The following RGS6 variants were observed in gnomAD, a reference collection of about 807,000 sequenced individuals.
RGS6 encodes the protein regulator of G-protein signaling 6.
Under a neutral mutation model 78.5 loss-of-function variants are expected in RGS6, and 30 were observed. The observed-to-expected ratio is 0.38, with a 90% CI of 0.29 to 0.52. RGS6 has a LOEUF of 0.52. Ranked by LOEUF, RGS6 falls within the 20% of genes least tolerant of loss-of-function variation. RGS6 has a pLI of 0.85. For synonymous variants in RGS6, 206 were observed against 206.0 expected, an observed-to-expected ratio of 1.00 and a Z score of 0.00; for missense variants, 495 against 609.7, an observed-to-expected ratio of 0.81 and a Z score of 1.98.
At position 71,946,554 on chromosome 14, in the gene RGS6, A is replaced by C. The variant is rs532160498; in HGVS notation, c.-21+13613A>C. ...CTTAAAATTCTGAAGAAGGAAAACA[A>C]ATGGAGAGACGGAATGTGGTAAGCA... On this transcript the variant is annotated intron_variant, in intron 1 of 17. Coordinates refer to ENST00000553525, the MANE Select transcript of RGS6 (RefSeq NM_001204424.2). Among the ~76,000 whole-genome samples the C allele has an allele frequency of 3.3e-5, 5 of 152,264 alleles. No homozygotes were observed. In the South Asian group the frequency reaches 1.0e-3, roughly 32 times the overall value.
At chr14:72,179,795 T>C (rs2097151433) in intron 2 of RGS6, among the ~76,000 whole-genome samples, 1 of 152,080 alleles carries the variant, frequency 6.6e-6, no homozygotes, top group Admixed American at 6.6e-5. Context: ...TGGGAACTTG[T>C]TACAAATGCA....
chr14:72,520,202 T>A (rs568464812), intron 15 of RGS6, among the ~76,000 whole-genome samples: 3 of 152,228 alleles, frequency 2.0e-5, no homozygotes, highest in African/African-American at 7.2e-5. Flanking sequence ...ATATCCTTTA[T>A]CTCCCTCCCT....
At chr14:72,515,114 A>G (rs2096924463) in intron 14 of RGS6, among the ~76,000 whole-genome samples, 2 of 152,196 alleles carry the variant, frequency 1.3e-5, no homozygotes, top group African/African-American at 4.8e-5. Context: ...TGAGAGAGAC[A>G]AGGCAGGTCA....
At chr14:72,464,471 C>A (rs575564278) in intron 6 of RGS6, among the ~76,000 whole-genome samples, 2 of 152,218 alleles carry the variant, frequency 1.3e-5, no homozygotes, top group East Asian at 3.9e-4. Flanking sequence ...CTTCCAGGCT[C>A]CAAAATGTCA....
At chr14:72,402,694 G>A (rs561545224) in intron 3 of RGS6, among the ~76,000 whole-genome samples, 8 of 152,038 alleles carry the variant, frequency 5.3e-5, no homozygotes, top group Non-Finnish European at 8.8e-5. Flanking sequence ...ATAGTATGGC[G>A]GTTCCTCCAA....
At chr14:72,518,981 T>A (rs1253154132) in intron 15 of RGS6, among the ~76,000 whole-genome samples, 1 of 152,228 alleles carries the variant, frequency 6.6e-6, no homozygotes, top group Non-Finnish European at 1.5e-5. Flanking sequence ...CTGCAGTGAA[T>A]ATTTTTTAAG....
At chr14:71,984,314 A>AC (rs1566960672) in intron 2 of RGS6, among the ~76,000 whole-genome samples, 13 of 108,698 alleles carry the variant, frequency 1.2e-4, no homozygotes, top group South Asian at 3.2e-4. Flanking sequence ...AAAAAAAAAA[A>AC]AAAAAAAACA....
At chr14:72,617,755 G>A in the RGS6 span, among the ~76,000 whole-genome samples, 3 of 152,182 alleles carry the variant, frequency 2.0e-5, no homozygotes, top group African/African-American at 7.2e-5. Context: ...CCGGGCAGAG[G>A]TGGCCCAACT....
rs1386681392 is a variant in RGS6, at chr14:72,459,724, G to T, written c.394+41G>T. On this transcript the variant is annotated intron_variant, in intron 6 of 17. Coordinates refer to ENST00000553525, the MANE Select transcript of RGS6 (RefSeq NM_001204424.2). Reference sequence around the variant, plus strand: ...ACTGGGAACTCTCAACTTCAACACTGTGTGTCACTTCTGGGGGTGCAGAAG... The same window carrying T: ...ACTGGGAACTCTCAACTTCAACACTTTGTGTCACTTCTGGGGGTGCAGAAG... 5.6e-6 allele frequency: 9 copies of T among 1,597,980 alleles called. No individual in the cohort carries two copies. The South Asian group carries it at 9.9e-5, about 18-fold the overall frequency.
chr14:72,178,757 CAG>C (rs1192668059), intron 2 of RGS6, among the ~76,000 whole-genome samples: 5 of 152,274 alleles, frequency 3.3e-5, no homozygotes, highest in South Asian at 2.1e-4. Flanking sequence ...TATGACAAAA[CAG>C]AGTGTTAGTA....
At chr14:72,267,664 T>C (rs927321114) in intron 2 of RGS6, among the ~76,000 whole-genome samples, 1 of 152,146 alleles carries the variant, frequency 6.6e-6, no homozygotes, top group Non-Finnish European at 1.5e-5. Flanking sequence ...GCAACAAATA[T>C]ATTTTTTGCC....
chr14:72,556,256 A>C (rs1423731656), intron 17 of RGS6, among the ~76,000 whole-genome samples: 1 of 152,168 alleles, frequency 6.6e-6, no homozygotes, highest in Admixed American at 6.5e-5. Context: ...GAAACTTACA[A>C]TCATGGTGGA....
intron 2 of RGS6, among the ~76,000 whole-genome samples, chr14:72,151,831 C>A (rs576090801): frequency 1.3e-5 from 2 of 152,310 alleles, no homozygotes; most frequent in South Asian, 2.1e-4. Context: ...TCAGAACCAT[C>A]TGGTTCTGAT....
intron 15 of RGS6, among the ~76,000 whole-genome samples, chr14:72,533,984 C>G (rs1375050290): frequency 1.3e-5 from 2 of 152,228 alleles, no homozygotes; most frequent in South Asian, 4.1e-4. Flanking sequence ...ACGGGATTGA[C>G]TGCAATTTTG....
intron 2 of RGS6, among the ~76,000 whole-genome samples, chr14:72,301,209 A>G (rs867522137): frequency 6.6e-6 from 1 of 152,318 alleles, no homozygotes; most frequent in Middle Eastern, 3.4e-3. Flanking sequence ...AAAGATATAA[A>G]AGAAAATATG....
intron 3 of RGS6, among the ~76,000 whole-genome samples, chr14:72,363,738 A>G (rs2081941018): frequency 6.6e-6 from 1 of 152,192 alleles, no homozygotes; most frequent in Admixed American, 6.5e-5. Context: ...TAAAAGCATG[A>G]TCTAAAAGTT....
At chr14:71,990,791 A>G (rs1175897020) in intron 2 of RGS6, 1 of 455,930 alleles carries the variant, frequency 2.2e-6, no homozygotes, top group Non-Finnish European at 4.4e-6. Context: ...CAGCTACCAA[A>G]AAGACATCTC....
intron 2 of RGS6, among the ~76,000 whole-genome samples, chr14:72,194,591 GC>G: frequency 6.6e-6 from 1 of 152,184 alleles, no homozygotes; most frequent in Non-Finnish European, 1.5e-5. Flanking sequence ...TGAACTCCTG[GC>G]CTCAAATGAT....
At chr14:72,271,155 T>C (rs889028163) in intron 2 of RGS6, among the ~76,000 whole-genome samples, 2 of 152,192 alleles carry the variant, frequency 1.3e-5, no homozygotes, top group African/African-American at 4.8e-5. Context: ...ACCACTGTAT[T>C]AATCTGTTCT....
Sources: allele counts gnomAD v4.1 joint callset (sites outside exome capture counted in the v4.1 genomes callset), GRCh38; gene constraint gnomAD v4.1.1; transcripts MANE v1.5; gene names NCBI Gene and HGNC (gene_info 2026-07-23, HGNC 2026-07-21).